ADAMTS12: variants seen among roughly 807,000 people sequenced by gnomAD.
The protein encoded by ADAMTS12 is A disintegrin and metalloproteinase with thrombospondin motifs 12.
In ADAMTS12, 118 loss-of-function variants were observed where a neutral mutation model predicts 167.8. The ratio of observed to expected loss-of-function variants is 0.70; its 90% CI spans 0.61 to 0.82. ADAMTS12 has a LOEUF of 0.82. Among genes scored for constraint, ADAMTS12 ranks in the 40% least tolerant of loss-of-function variants. The probability of loss-of-function intolerance (pLI) is 0.00; values close to 1 mark genes in which losing one functional copy is unlikely to be tolerated. For synonymous variants in ADAMTS12, 704 were observed against 716.9 expected (o/e 0.98, Z 0.29); for missense variants, 1,916 against 1,998.8 (o/e 0.96, Z 0.79).
intron 12 of ADAMTS12, among the ~76,000 whole-genome samples, chr5:33,632,942 A>G (rs1332065080): frequency 6.6e-6 from 1 of 152,132 alleles, no homozygotes; most frequent in South Asian, 2.1e-4. Context: ...CAGATTCACT[A>G]AGTCGCATTT....
rs1478605483 is a variant in ADAMTS12, at chr5:33,854,968, GC to G, written c.489+26150del. ...ACAAACCCTGACACACAGGCATCCT[GC>G]AACTCAAATCAGTGATTTCTGCCAG... is the stretch of plus-strand genomic sequence containing the variant. On this transcript the variant is annotated intron_variant, in intron 2 of 23. Coordinates refer to ENST00000504830, the MANE Select transcript of ADAMTS12 (RefSeq NM_030955.4). Among the ~76,000 whole-genome samples the G allele has an allele frequency of 8.5e-5, 13 of 152,276 alleles. No homozygotes were observed. The East Asian group carries it at 2.5e-3, about 29-fold the overall frequency.
chr5:33,649,889 G>C (rs1263251008), intron 7 of ADAMTS12, among the ~76,000 whole-genome samples, 192 bp from the exon 8 acceptor site: 2 of 100,290 alleles, frequency 2.0e-5, no homozygotes, highest in African/African-American at 6.0e-5. Flanking sequence ...AGGGAGCATT[G>C]TAGGCATGCT....
intron 5 of ADAMTS12, among the ~76,000 whole-genome samples, chr5:33,682,167 C>A (rs1232944463): frequency 6.6e-6 from 1 of 152,176 alleles, no homozygotes; most frequent in Non-Finnish European, 1.5e-5. Context: ...GACCACAGTG[C>A]TCCTTGCTAT....
chr5:33,761,995 C>A (rs1273942711), intron 2 of ADAMTS12, among the ~76,000 whole-genome samples: 1 of 150,880 alleles, frequency 6.6e-6, no homozygotes, highest in African/African-American at 2.4e-5. Flanking sequence ...GAGTTTGAGA[C>A]CAGCCTGGCC....
At chr5:33,695,692 G>A (rs1248572801) in intron 3 of ADAMTS12, among the ~76,000 whole-genome samples, 4 of 152,196 alleles carry the variant, frequency 2.6e-5, no homozygotes, top group Non-Finnish European at 5.9e-5. Flanking sequence ...GAGGATGGGA[G>A]TTGGGGAGGA....
intron 2 of ADAMTS12, among the ~76,000 whole-genome samples, chr5:33,830,531 G>C (rs1349153706): frequency 6.6e-6 from 1 of 152,204 alleles, no homozygotes; most frequent in African/African-American, 2.4e-5. Flanking sequence ...ACTCACGCCT[G>C]TAATCCCAGC....
At chr5:33,797,786 C>G (rs1746838395) in intron 2 of ADAMTS12, among the ~76,000 whole-genome samples, 1 of 152,260 alleles carries the variant, frequency 6.6e-6, no homozygotes, top group African/African-American at 2.4e-5. Context: ...ATTTCTCAAG[C>G]TATTATGGAA....
chr5:33,704,027 T>C (rs1743098006), intron 3 of ADAMTS12, among the ~76,000 whole-genome samples: 3 of 152,216 alleles, frequency 2.0e-5, no homozygotes, highest in Non-Finnish European at 4.4e-5. Flanking sequence ...TTTTGTTCCT[T>C]GTTTTTTGCA....
intron 5 of ADAMTS12, among the ~76,000 whole-genome samples, chr5:33,681,281 C>T (rs923020297): frequency 4.6e-5 from 7 of 152,268 alleles, no homozygotes; most frequent in South Asian, 2.1e-4. Context: ...CTAACACACA[C>T]GATCGTGGAG....
intron 5 of ADAMTS12, among the ~76,000 whole-genome samples, chr5:33,666,876 A>C (rs1741492289): frequency 6.6e-6 from 1 of 152,190 alleles, no homozygotes; most frequent in Non-Finnish European, 1.5e-5. Context: ...TTTTTTATAT[A>C]TGTGAGTCCC....
intron 18 of ADAMTS12, among the ~76,000 whole-genome samples, chr5:33,588,217 C>T (rs569171988): frequency 1.3e-5 from 2 of 152,304 alleles, no homozygotes; most frequent in East Asian, 3.9e-4. Flanking sequence ...TTTGGGTTAA[C>T]TACAGTGATG....
rs147495080 is a variant in ADAMTS12 at position 33,525,654 on chromosome 5, T to C, written c.*1534A>G. 2.7e-4 allele frequency: 41 copies of C among 152,266 alleles called. No homozygotes were observed. Among genetic ancestry groups the C allele is most frequent in the African/African-American group, 7.9e-4 (33 of 41,546 alleles). The allele number at this position is 152,266 out of a possible 1,614,324, so 9.4% of individuals were successfully genotyped here. A position where few individuals can be genotyped will look rare whatever the true frequency, so the allele number is the denominator to read the frequency against. ...TAATAGCACCATTCTGCTGAACGGA[T>C]AGGTAAAGGGAGACGTGGGATATTG... On this transcript the variant is annotated 3_prime_UTR_variant, in exon 24 of 24. Transcript: ENST00000504830.
At chr5:33,542,128 A>C (rs1744731654) in intron 22 of ADAMTS12, among the ~76,000 whole-genome samples, 1 of 152,192 alleles carries the variant, frequency 6.6e-6, no homozygotes, top group Admixed American at 6.5e-5. Context: ...GCTCAAAAAA[A>C]AAGGGATGGA....
chr5:33,850,720 T>A (rs895412387), intron 2 of ADAMTS12, among the ~76,000 whole-genome samples: 1 of 152,200 alleles, frequency 6.6e-6, no homozygotes, highest in Non-Finnish European at 1.5e-5. Context: ...TTTTTCAGAT[T>A]CAAAGGTCAA....
intron 13 of ADAMTS12, among the ~76,000 whole-genome samples, chr5:33,629,153 A>G (rs1324087777): frequency 1.3e-5 from 2 of 152,148 alleles, no homozygotes; most frequent in Non-Finnish European, 2.9e-5. Flanking sequence ...TTAGTCACTG[A>G]GGAGTGAATG....
At chr5:33,785,556 T>C (rs1045554749) in intron 2 of ADAMTS12, among the ~76,000 whole-genome samples, 36 of 152,082 alleles carry the variant, frequency 2.4e-4, no homozygotes, top group African/African-American at 8.2e-4. Flanking sequence ...CAAAGAAATA[T>C]TGAAAAGATA....
At chr5:33,669,769 T>C (rs1005568607) in intron 5 of ADAMTS12, among the ~76,000 whole-genome samples, 3 of 151,864 alleles carry the variant, frequency 2.0e-5, no homozygotes, top group African/African-American at 7.3e-5. Context: ...AGCAACTAGA[T>C]ATCCACAGGC....
chr5:33,737,890 C>A (rs974619983), intron 3 of ADAMTS12, among the ~76,000 whole-genome samples: 1 of 152,162 alleles, frequency 6.6e-6, no homozygotes, highest in Non-Finnish European at 1.5e-5. Flanking sequence ...CCTACCTTTG[C>A]GCAACATTTT....
chr5:33,727,720 C>T (rs993513102), intron 3 of ADAMTS12, among the ~76,000 whole-genome samples: 6 of 152,140 alleles, frequency 3.9e-5, no homozygotes, highest in East Asian at 1.9e-4. Flanking sequence ...AGATTTTGAA[C>T]GATTAGCGCT....
Sources: gnomAD v4.1 joint callset for allele counts (sites outside exome capture counted in the v4.1 genomes callset) on GRCh38, gnomAD v4.1.1 for gene constraint, MANE v1.5 for transcripts, NCBI Gene and HGNC (gene_info 2026-07-23, HGNC 2026-07-21) for gene names.